HS3ST3B1: variants seen among roughly 807,000 people sequenced by gnomAD.
HS3ST3B1 encodes heparan sulfate glucosamine 3-O-sulfotransferase 3B1.
A neutral mutation model predicts 21.3 loss-of-function variants in HS3ST3B1; 13 were observed. The ratio of observed to expected loss-of-function variants is 0.61; its 90% CI spans 0.40 to 0.97. The LOEUF is 0.97. Ranked by LOEUF, HS3ST3B1 falls within the 50% of genes least tolerant of loss-of-function variation. The pLI is 0.00. For missense variants in HS3ST3B1, 459 were observed against 554.8 expected, an observed-to-expected ratio of 0.83 and a Z score of 1.73; for synonymous variants, 234 against 254.8, an observed-to-expected ratio of 0.92 and a Z score of 0.78.
At chr17:14,306,910 A>C (rs1909155936) in intron 1 of HS3ST3B1, among the ~76,000 whole-genome samples, 1 of 152,222 alleles carries the variant, frequency 6.6e-6, no homozygotes. Context: ...TTTATTAGCA[A>C]GACAGTGGAG....
intron 1 of HS3ST3B1, among the ~76,000 whole-genome samples, chr17:14,317,592 G>A (rs1909538606): frequency 6.6e-6 from 1 of 152,158 alleles, no homozygotes; most frequent in African/African-American, 2.4e-5. Flanking sequence ...CCTGGAAACT[G>A]ATCAGAATAT....
chr17:14,307,047 C>T (rs572912720), intron 1 of HS3ST3B1, among the ~76,000 whole-genome samples: 3 of 152,218 alleles, frequency 2.0e-5, no homozygotes, highest in Admixed American at 1.3e-4. Flanking sequence ...CCCAGATGCT[C>T]TGAGTTAATA....
intron 1 of HS3ST3B1, chr17:14,304,994 C>A (rs1300997849): frequency 6.6e-6 from 1 of 152,178 alleles, no homozygotes; most frequent in Non-Finnish European, 1.5e-5. Context: ...TGCATGACAT[C>A]TCGGAGTTTG....
chr17:14,309,520 A>G (rs937131964), intron 1 of HS3ST3B1, among the ~76,000 whole-genome samples: 1 of 110,656 alleles, frequency 9.0e-6, no homozygotes, highest in East Asian at 3.0e-4. Context: ...TCCGCCTGAG[A>G]GGAGAACCCC....
chr17:14,318,862 C>T (rs779827904), intron 1 of HS3ST3B1, among the ~76,000 whole-genome samples: 1 of 152,194 alleles, frequency 6.6e-6, no homozygotes, highest in Non-Finnish European at 1.5e-5. Context: ...TTGTGTTCTG[C>T]GAAAAGAGCA....
chr17:14,305,226 C>T (rs546910547), intron 1 of HS3ST3B1: 13 of 152,408 alleles, frequency 8.5e-5, no homozygotes, highest in South Asian at 2.1e-4. Context: ...GATGACTCTT[C>T]TGGGTTGACT....
At chr17:14,306,528 G>A (rs1909144129) in intron 1 of HS3ST3B1, among the ~76,000 whole-genome samples, 1 of 152,214 alleles carries the variant, frequency 6.6e-6, no homozygotes, top group Admixed American at 6.5e-5. Flanking sequence ...ACTTTTGGCA[G>A]ATTCATTTAG....
Position 14,345,693 on chromosome 17 carries a change from G to C in HS3ST3B1, c.*47G>C, listed in dbSNP as rs754020027. 1.3e-6 allele frequency: 2 copies of C among 1,558,434 alleles called. No homozygotes were observed. The highest frequency in any genetic ancestry group is 2.8e-5 in the African/African-American group (2 of 72,578). On this transcript the variant is annotated 3_prime_UTR_variant, in exon 2 of 2. Coordinates refer to ENST00000360954, the MANE Select transcript of HS3ST3B1 (RefSeq NM_006041.3). ...TACCCACGTGGCTTATCTATTGACA[G>C]AGATTATATGTATGTAAAATGTACA...
At chr17:14,319,892 A>T (rs1283700370) in intron 1 of HS3ST3B1, among the ~76,000 whole-genome samples, 1 of 152,096 alleles carries the variant, frequency 6.6e-6, no homozygotes, top group African/African-American at 2.4e-5. Flanking sequence ...AGCAATGTAC[A>T]CTGTACCCAA....
chr17:14,341,884 G>A (rs935638366), intron 1 of HS3ST3B1, among the ~76,000 whole-genome samples: 1 of 152,136 alleles, frequency 6.6e-6, no homozygotes, highest in African/African-American at 2.4e-5. Flanking sequence ...AATAAGTTGC[G>A]AGCCGAGACT....
At position 14,301,770 on chromosome 17, in the gene HS3ST3B1, GC is replaced by G. The variant is rs1908938017; in HGVS notation, c.258del (p.Arg87GlyfsTer59). On this transcript the variant is annotated frameshift_variant, in exon 1 of 2. Transcript: ENST00000360954. LOFTEE classifies it high-confidence loss of function. ...CCCTGGCCACAGCTCCGGACGGGACGCCCCCCAGGCTGCCGTTCCGGGCGCC... is the reference window on the plus strand; with the variant it reads ...CCCTGGCCACAGCTCCGGACGGGACGCCCCCAGGCTGCCGTTCCGGGCGCC... The part of the protein sequence containing the change: ...PALATAPDGT[P>X]PRLPFRAPPA... 4 of 1,570,420 alleles carry G rather than the reference GC, an allele frequency of 2.5e-6. No individual in the cohort carries two copies. The highest frequency in any genetic ancestry group is 8.6e-7 in the Non-Finnish European group (1 of 1,158,912).
At chr17:14,341,136 T>C (rs866877745) in intron 1 of HS3ST3B1, among the ~76,000 whole-genome samples, 1 of 152,308 alleles carries the variant, frequency 6.6e-6, no homozygotes, top group Middle Eastern at 3.4e-3. Flanking sequence ...ATCTCTCATT[T>C]CCTTTTTACT....
At chr17:14,331,803 T>A (rs1171785379) in intron 1 of HS3ST3B1, among the ~76,000 whole-genome samples, 1 of 151,942 alleles carries the variant, frequency 6.6e-6, no homozygotes, top group African/African-American at 2.4e-5. Context: ...CTCCCCCAAA[T>A]GGAGATAATT....
At position 14,345,510 on chromosome 17, in the gene HS3ST3B1, C is replaced by T; in HGVS notation, c.1037C>T (p.Pro346Leu). ...AAGAAGGCGGAGGGCAGCAGCCGGCCCCATTGCCTGGGCAAGACCAAGGGC... is the reference window on the plus strand; with the variant it reads ...AAGAAGGCGGAGGGCAGCAGCCGGCTCCATTGCCTGGGCAAGACCAAGGGC... ...CLKKAEGSSR[P>L]HCLGKTKGRT... The change falls in exon 2 of 2, where the codon CCC (proline) becomes CTC (leucine). Residue 346 changes from proline (P) to leucine (L), a missense_variant. Physicochemically the swap from Pro to Leu is moderately conservative, Grantham distance 98 (BLOSUM62 -3). This residue lies in a region of HS3ST3B1 where 127 missense variants were observed against 209.9 expected (regional missense o/e 0.60). Coordinates refer to ENST00000360954, the MANE Select transcript of HS3ST3B1 (RefSeq NM_006041.3). 6.3e-7 allele frequency: 1 copy of T among 1,596,412 alleles called. No individual in the cohort carries two copies. The highest frequency in any genetic ancestry group is 8.6e-7 in the Non-Finnish European group (1 of 1,167,304).
At position 14,301,327 on chromosome 17, in the gene HS3ST3B1, GC is replaced by G. The variant is rs1309489809; in HGVS notation, c.-190del. 1 of 508,014 alleles carries G rather than the reference GC, an allele frequency of 2.0e-6. No homozygotes were observed. The highest frequency in any genetic ancestry group is 3.3e-6 in the Non-Finnish European group (1 of 298,900). The allele number at this position is 508,014 out of a possible 1,614,324, so 31.5% of individuals were successfully genotyped here. A position where few individuals can be genotyped will look rare whatever the true frequency, so the allele number is the denominator to read the frequency against. On this transcript the variant is annotated 5_prime_UTR_variant, in exon 1 of 2. The change abolishes the stop of an existing upstream ORF in the 5' untranslated region. Transcript: ENST00000360954. ...GCTCCTGCCGGGCAACATGTCAAGA[GC>G]CGCCGCCGCTACAGCTGCCGCCGCC... is the stretch of plus-strand genomic sequence containing the variant.
At chr17:14,340,492 A>C (rs1910341018) in intron 1 of HS3ST3B1, among the ~76,000 whole-genome samples, 1 of 152,096 alleles carries the variant, frequency 6.6e-6, no homozygotes, top group Non-Finnish European at 1.5e-5. Context: ...CCATCACTGC[A>C]AGACTCCACT....
intron 1 of HS3ST3B1, among the ~76,000 whole-genome samples, chr17:14,319,453 T>C (rs1269476373): frequency 6.6e-6 from 1 of 152,212 alleles, no homozygotes; most frequent in South Asian, 2.1e-4. Flanking sequence ...TGATTCCAGC[T>C]AGTTCTTGGT....
chr17:14,344,988 G>A lies in HS3ST3B1; in HGVS notation c.555-40G>A, dbSNP rs773659468. 21 of 1,592,676 alleles carry A rather than the reference G, an allele frequency of 1.3e-5. No homozygotes were observed. In the Admixed American group the frequency reaches 3.6e-4, roughly 27 times the overall value. On this transcript the variant is annotated intron_variant, in intron 1 of 1. Transcript: ENST00000360954. ...CCTTAAGACGTGTGGCCAGAGAGGCGTCACCTTCTGATCCCGGTTTGTTTG... is the reference window on the plus strand; with the variant it reads ...CCTTAAGACGTGTGGCCAGAGAGGCATCACCTTCTGATCCCGGTTTGTTTG...
chr17:14,313,974 T>TTTTTTG (rs1173730211), intron 1 of HS3ST3B1, among the ~76,000 whole-genome samples: 3 of 151,898 alleles, frequency 2.0e-5, no homozygotes, highest in Non-Finnish European at 2.9e-5. Context: ...TTGGGTTTCT[T>TTTTTTG]TTTTTGTTTT....
Sources: allele counts gnomAD v4.1 joint callset (sites outside exome capture counted in the v4.1 genomes callset), GRCh38; gene constraint gnomAD v4.1.1; regional missense constraint gnomAD v4.1.1; transcripts MANE v1.5; gene names NCBI Gene and HGNC (gene_info 2026-07-23, HGNC 2026-07-21).